Variants in ANXA10 observed in about 807,000 individuals in gnomAD.
The protein encoded by ANXA10 is annexin 14.
A neutral mutation model predicts 53.5 loss-of-function variants in ANXA10; 49 were observed. The observed-to-expected ratio is 0.92, with a 90% CI of 0.73 to 1.16. The LOEUF is 1.16. ANXA10 is among the 50% of genes most tolerant of loss of function. The pLI, the probability that ANXA10 is intolerant of heterozygous loss-of-function variation, is 0.00. For synonymous variants in ANXA10, 131 were observed against 128.9 expected (o/e 1.02, Z -0.11); for missense variants, 393 against 394.4 (o/e 1.00, Z 0.03).
At chr4:168,155,418 A>G (rs1443362453) in intron 3 of ANXA10, among the ~76,000 whole-genome samples, 2 of 96,322 alleles carry the variant, frequency 2.1e-5, no homozygotes, top group Non-Finnish European at 3.8e-5. Flanking sequence ...ATTATACATT[A>G]TATTATATAT....
At chr4:168,112,191 G>C (rs568872031) in intron 1 of ANXA10, among the ~76,000 whole-genome samples, 1 of 152,128 alleles carries the variant, frequency 6.6e-6, no homozygotes, top group African/African-American at 2.4e-5. Context: ...GGCTACTCAG[G>C]AGGCTGAGGC....
intron 2 of ANXA10, among the ~76,000 whole-genome samples, chr4:168,136,678 A>T (rs1439647683): frequency 1.3e-5 from 2 of 152,114 alleles, no homozygotes; most frequent in African/African-American, 2.4e-5. Context: ...GGCTACTCTC[A>T]AGGGCTGGTG....
intron 1 of ANXA10, among the ~76,000 whole-genome samples, chr4:168,123,797 A>T (rs77483878): frequency 0.023 from 3,422 of 149,852 alleles, 46 homozygotes; most frequent in Non-Finnish European, 0.028. Context: ...CAACTTCTAT[A>T]AAAAAAAATC....
chr4:168,156,070 T>TTATATATATTATATATAATATTTATTATA (rs1731652472), intron 3 of ANXA10, among the ~76,000 whole-genome samples: 2 of 66,782 alleles, frequency 3.0e-5, no homozygotes, highest in African/African-American at 6.1e-5. Context: ...ATATCATATA[T>TTATATATATTATATATAATATTTATTATA]TATATATATT....
At chr4:168,156,926 A>T (rs993229288) in intron 3 of ANXA10, among the ~76,000 whole-genome samples, 2 of 152,068 alleles carry the variant, frequency 1.3e-5, no homozygotes, top group African/African-American at 4.8e-5. Flanking sequence ...CTTACCTAGG[A>T]TTCTCATGTC....
At chr4:168,116,625 A>G (rs998064626) in intron 1 of ANXA10, among the ~76,000 whole-genome samples, 2 of 152,170 alleles carry the variant, frequency 1.3e-5, no homozygotes, top group African/African-American at 2.4e-5. Flanking sequence ...GCAAAAAGGC[A>G]CTATTTTAAT....
chr4:168,156,340 A>G (rs1578923783), intron 3 of ANXA10, among the ~76,000 whole-genome samples: 1 of 116,202 alleles, frequency 8.6e-6, no homozygotes, highest in Non-Finnish European at 1.7e-5. Context: ...ATTATATAGT[A>G]TATATGTTAT....
chr4:168,119,292 A>G (rs1052522233), intron 1 of ANXA10, among the ~76,000 whole-genome samples: 3 of 152,210 alleles, frequency 2.0e-5, no homozygotes, highest in Non-Finnish European at 4.4e-5. Flanking sequence ...GAGGAGTCAG[A>G]AAAATGTACA....
chr4:168,153,436 A>AAAAC (rs1731534700), intron 3 of ANXA10, among the ~76,000 whole-genome samples: 1 of 58,660 alleles, frequency 1.7e-5, no homozygotes, highest in African/African-American at 6.2e-5. Flanking sequence ...AAAAAAAAAA[A>AAAAC]AAAAACAAAA....
intron 4 of ANXA10, among the ~76,000 whole-genome samples, chr4:168,163,603 T>C (rs1409669528): frequency 2.0e-5 from 3 of 152,194 alleles, no homozygotes; most frequent in Non-Finnish European, 2.9e-5. Context: ...AACAAGTGTG[T>C]TTTATCAATA....
chr4:168,140,710 CT>C (rs1206051990), intron 3 of ANXA10, among the ~76,000 whole-genome samples: 1 of 152,110 alleles, frequency 6.6e-6, no homozygotes, highest in Admixed American at 6.5e-5. Flanking sequence ...CCTCCGCCTC[CT>C]GGGTTCAAGT....
chr4:168,105,933 A>G (rs1206688550), intron 1 of ANXA10, among the ~76,000 whole-genome samples: 1 of 152,034 alleles, frequency 6.6e-6, no homozygotes, highest in Non-Finnish European at 1.5e-5. Context: ...GTATCTGTTC[A>G]TGTCCTTTGC....
intron 6 of ANXA10, among the ~76,000 whole-genome samples, chr4:168,175,863 C>T (rs1332952710): frequency 1.3e-5 from 2 of 152,140 alleles, no homozygotes; most frequent in African/African-American, 4.8e-5. Context: ...TGGTAGCTTA[C>T]TTATTTCTTT....
At chr4:168,156,403 T>G (rs34265755) in intron 3 of ANXA10, among the ~76,000 whole-genome samples, 56,865 of 89,488 alleles carry the variant, frequency 0.64, 14,876 homozygotes, top group Non-Finnish European at 0.66. Flanking sequence ...ATATTATATA[T>G]TATATAGTAT....
intron 2 of ANXA10, among the ~76,000 whole-genome samples, chr4:168,136,382 C>T (rs181002614): frequency 4.1e-4 from 63 of 152,264 alleles, no homozygotes; most frequent in Non-Finnish European, 7.5e-4. Context: ...GTCCTTTCTG[C>T]CTATGAGCCT....
chr4:168,105,599 G>A (rs1472970779), intron 1 of ANXA10, among the ~76,000 whole-genome samples: 1 of 151,940 alleles, frequency 6.6e-6, no homozygotes, highest in Non-Finnish European at 1.5e-5. Flanking sequence ...TGTCTTTATG[G>A]TAAAATGGTT....
intron 1 of ANXA10, among the ~76,000 whole-genome samples, chr4:168,117,126 C>G (rs996662273): frequency 1.4e-4 from 22 of 151,968 alleles, no homozygotes; most frequent in African/African-American, 5.3e-4. Context: ...ACATGTGGTC[C>G]CAGCTACTTA....
chr4:168,155,829 G>GATATATT (rs1491584252), intron 3 of ANXA10, among the ~76,000 whole-genome samples: 1 of 8,192 alleles, frequency 1.2e-4, no homozygotes, highest in East Asian at 6.8e-3. Flanking sequence ...TATGATATAT[G>GATATATT]ATATATCATA....
At chr4:168,139,026 G>T (rs1163731835) in intron 2 of ANXA10, among the ~76,000 whole-genome samples, 1 of 152,094 alleles carries the variant, frequency 6.6e-6, no homozygotes, top group Non-Finnish European at 1.5e-5. Context: ...AAGATGGTAA[G>T]ATCATATCAT....
Sources: allele counts gnomAD v4.1 joint callset (sites outside exome capture counted in the v4.1 genomes callset), GRCh38; gene constraint gnomAD v4.1.1; transcripts MANE v1.5; gene names NCBI Gene and HGNC (gene_info 2026-07-23, HGNC 2026-07-21).